Variants in SLC71A1 observed in about 807,000 individuals in gnomAD.
SLC71A1 encodes the protein solute carrier family 71 member 1, also known as hippocampus abundant gene transcript 1.
chr1:100,069,737 C>A, the SLC71A1 span: 1 of 1,093,246 alleles, frequency 9.1e-7, no homozygotes, highest in Non-Finnish European at 1.4e-6. Flanking sequence ...GCTGGCCATC[C>A]AAACTGGGGC....
chr1:100,063,817 C>T, the SLC71A1 span, among the ~76,000 whole-genome samples: 15 of 152,138 alleles, frequency 9.9e-5, no homozygotes, highest in South Asian at 6.2e-4. Flanking sequence ...TTGGGGGGTG[C>T]GGGGTGACCC....
the SLC71A1 span, chr1:100,078,911 CA>C: frequency 6.2e-6 from 1 of 160,122 alleles, no homozygotes; most frequent in Non-Finnish European, 1.4e-5. Context: ...CACTAAAATG[CA>C]AAAATTAGCT....
chr1:100,080,416 A>G, the SLC71A1 span: 1 of 1,108,842 alleles, frequency 9.0e-7, no homozygotes, highest in South Asian at 1.5e-5. Context: ...AGATTAAGTG[A>G]TTTCATATTT....
At chr1:100,074,404 A>G in the SLC71A1 span, among the ~76,000 whole-genome samples, 29 of 151,400 alleles carry the variant, frequency 1.9e-4, no homozygotes, top group African/African-American at 6.8e-4. Context: ...GTGAAACCTC[A>G]TCTCTACTAA....
the SLC71A1 span, among the ~76,000 whole-genome samples, chr1:100,044,379 C>G: frequency 6.6e-6 from 1 of 151,766 alleles, no homozygotes; most frequent in South Asian, 2.1e-4. Flanking sequence ...CTTTTGCCTA[C>G]TTTTGATGGG....
chr1:100,067,053 G>T, the SLC71A1 span, among the ~76,000 whole-genome samples: 1 of 151,214 alleles, frequency 6.6e-6, no homozygotes, highest in African/African-American at 2.4e-5. Context: ...GCCCAGGCTG[G>T]TCACAAACTT....
the SLC71A1 span, among the ~76,000 whole-genome samples, chr1:100,065,668 T>A: frequency 6.7e-6 from 1 of 150,068 alleles, no homozygotes; most frequent in Non-Finnish European, 1.5e-5. Flanking sequence ...CCTTTTCCTT[T>A]CCCTTCCCCT....
At chr1:100,067,612 A>G in the SLC71A1 span, among the ~76,000 whole-genome samples, 1 of 152,074 alleles carries the variant, frequency 6.6e-6, no homozygotes, top group Non-Finnish European at 1.5e-5. Flanking sequence ...GGAGTTCGAG[A>G]CTAGCCTAGG....
chr1:100,066,869 G>A, the SLC71A1 span, among the ~76,000 whole-genome samples: 1 of 151,228 alleles, frequency 6.6e-6, no homozygotes, highest in African/African-American at 2.4e-5. Context: ...GGCGCCTGTA[G>A]TCCCAGCTAT....
chr1:100,043,099 C>T, the SLC71A1 span: 43,352 of 984,440 alleles, frequency 0.044, 1,031 homozygotes, highest in African/African-American at 0.06. Flanking sequence ...AGTTCATCCT[C>T]ATGTAGTTAG....
the SLC71A1 span, among the ~76,000 whole-genome samples, chr1:100,062,727 A>G: frequency 6.6e-6 from 1 of 152,148 alleles, no homozygotes; most frequent in African/African-American, 2.4e-5. Context: ...GTTATAGTGA[A>G]GAATCATAAG....
At chr1:100,080,440 G>C in the SLC71A1 span, 123 of 1,440,700 alleles carry the variant, frequency 8.5e-5, no homozygotes, top group African/African-American at 1.6e-3. Flanking sequence ...CTGGTTCTAA[G>C]GTAGGGAAAA....
the SLC71A1 span, chr1:100,082,820 G>C: frequency 6.6e-6 from 1 of 152,412 alleles, no homozygotes; most frequent in East Asian, 1.9e-4. Flanking sequence ...TTTTTGAAGT[G>C]AGAAAGTATC....
chr1:100,077,521 CT>C, the SLC71A1 span, among the ~76,000 whole-genome samples: 456 of 152,260 alleles, frequency 3.0e-3, 2 homozygotes, highest in Non-Finnish European at 4.8e-3. Context: ...GATTATACAG[CT>C]TTTGAATCTT....
At chr1:100,040,310 CAG>C in the SLC71A1 span, among the ~76,000 whole-genome samples, 13,908 of 152,070 alleles carry the variant, frequency 0.091, 1,130 homozygotes, top group African/African-American at 0.22. Flanking sequence ...CAATAAATAT[CAG>C]GGGAATATTT....
the SLC71A1 span, among the ~76,000 whole-genome samples, chr1:100,056,918 C>T: frequency 6.6e-6 from 1 of 152,036 alleles, no homozygotes. Context: ...TGCATTTCCC[C>T]GATGATCAGT....
the SLC71A1 span, among the ~76,000 whole-genome samples, chr1:100,069,323 A>G: frequency 5.6e-4 from 85 of 152,360 alleles, no homozygotes; most frequent in Non-Finnish European, 8.8e-4. Flanking sequence ...CCTTTAACCA[A>G]TACATGTAAA....
At chr1:100,046,528 C>A in the SLC71A1 span, among the ~76,000 whole-genome samples, 1 of 152,236 alleles carries the variant, frequency 6.6e-6, no homozygotes, top group African/African-American at 2.4e-5. Flanking sequence ...GCCCAGCCTC[C>A]AGCCTTGTTC....
the SLC71A1 span, among the ~76,000 whole-genome samples, chr1:100,075,549 ATAAT>A: frequency 6.6e-6 from 1 of 152,154 alleles, no homozygotes; most frequent in Non-Finnish European, 1.5e-5. Context: ...TTCCTTTTTC[ATAAT>A]TAATTGAAAG....
Sources: gnomAD v4.1 joint callset for allele counts (sites outside exome capture counted in the v4.1 genomes callset) on GRCh38, gnomAD v4.1.1 for gene constraint, MANE v1.5 for transcripts, NCBI Gene and HGNC (gene_info 2026-07-23, HGNC 2026-07-21) for gene names.